FOXP1: variants seen among roughly 807,000 people sequenced by gnomAD.
FOXP1 encodes forkhead box P1, also known as forkhead box protein P1.
A neutral mutation model predicts 98.2 loss-of-function variants in FOXP1; 15 were observed. That is an observed-to-expected ratio of 0.15 (90% CI 0.10 to 0.24). The LOEUF (loss-of-function observed/expected upper bound fraction) is 0.24, where lower values mean the gene tolerates loss of function less well. Among genes scored for constraint, FOXP1 ranks in the 10% least tolerant of loss-of-function variants. The pLI, the probability that FOXP1 is intolerant of heterozygous loss-of-function variation, is 1.00. For synonymous variants in FOXP1, 371 were observed against 314.5 expected (o/e 1.18, Z -1.90); for missense variants, 633 against 848.5 (o/e 0.75, Z 3.15).
intron 10 of FOXP1, among the ~76,000 whole-genome samples, chr3:71,044,962 TA>T (rs927150769): frequency 2.0e-5 from 3 of 151,732 alleles, no homozygotes; most frequent in South Asian, 4.2e-4. Context: ...ATCTCTCTGA[TA>T]AAAAAAAATT....
chr3:71,561,998 T>C (rs1354483744), intron 2 of FOXP1, among the ~76,000 whole-genome samples: 1 of 152,146 alleles, frequency 6.6e-6, no homozygotes, highest in Non-Finnish European at 1.5e-5. Context: ...AGTACTTCCA[T>C]ATGTCTCCAT....
intron 3 of FOXP1, among the ~76,000 whole-genome samples, chr3:71,370,156 ATCT>A (rs1414927117): frequency 6.6e-6 from 1 of 152,170 alleles, no homozygotes; most frequent in East Asian, 1.9e-4. Context: ...AAAATAATCA[ATCT>A]TCTGCCTTCT....
chr3:71,408,369 A>G (rs1459708641), intron 3 of FOXP1, among the ~76,000 whole-genome samples: 1 of 152,194 alleles, frequency 6.6e-6, no homozygotes, highest in Non-Finnish European at 1.5e-5. Flanking sequence ...TTGAAAAATA[A>G]TTTTAAAGAA....
chr3:71,292,965 T>C (rs577407069), intron 5 of FOXP1, among the ~76,000 whole-genome samples: 1 of 152,360 alleles, frequency 6.6e-6, no homozygotes, highest in Non-Finnish European at 1.5e-5. Context: ...GCTTAGTAAC[T>C]GTCACTACAG....
At chr3:71,245,581 T>C (rs1340865036) in intron 5 of FOXP1, among the ~76,000 whole-genome samples, 1 of 142,396 alleles carries the variant, frequency 7.0e-6, no homozygotes, top group East Asian at 2.4e-4. Context: ...TCCCCATCTT[T>C]CTCTGAAGGT....
intron 7 of FOXP1, among the ~76,000 whole-genome samples, chr3:71,070,128 G>C (rs1222218246): frequency 1.3e-5 from 2 of 152,148 alleles, no homozygotes; most frequent in Non-Finnish European, 2.9e-5. Flanking sequence ...GACAGAGAAA[G>C]GACATGTAAT....
chr3:71,149,447 A>T (rs1406491598), intron 6 of FOXP1, among the ~76,000 whole-genome samples: 2 of 152,242 alleles, frequency 1.3e-5, no homozygotes, highest in African/African-American at 2.4e-5. Context: ...TGTGCTAACT[A>T]GCTTGGCTGC....
chr3:70,956,245 G>A lies in FOXP1; in HGVS notation c.*3002C>T, dbSNP rs566673921. On this transcript the variant is annotated 3_prime_UTR_variant, in exon 21 of 21. Coordinates refer to ENST00000649528, the MANE Select transcript of FOXP1 (RefSeq NM_001349338.3). The stretch of plus-strand genomic sequence containing the variant: ...AGACACATCGGGATATATGTACAAC[G>A]TAATAAACCCCATCCTAAAGAAGCA... The A allele has an allele frequency of 2.6e-5, 6 of 233,238 alleles. No homozygotes were observed. The highest frequency in any genetic ancestry group is 1.8e-4 in the South Asian group (1 of 5,512). The allele number at this position is 233,238 out of a possible 1,614,324, so 14.4% of individuals were successfully genotyped here.
At chr3:71,041,206 A>C in intron 11 of FOXP1, 122 bp downstream of exon 11, 1 of 799,342 alleles carries the variant, frequency 1.3e-6, no homozygotes, top group Non-Finnish European at 2.2e-6. Flanking sequence ...TTCCTCAGTA[A>C]TTATATGCAC....
intron 2 of FOXP1, among the ~76,000 whole-genome samples, chr3:71,518,573 T>A (rs1008549277): frequency 2.0e-5 from 3 of 152,186 alleles, no homozygotes; most frequent in Admixed American, 2.0e-4. Flanking sequence ...GACAGGTCCA[T>A]ACAATTTTAC....
chr3:71,510,378 G>A (rs1013821666), intron 2 of FOXP1, among the ~76,000 whole-genome samples: 5 of 152,040 alleles, frequency 3.3e-5, no homozygotes, highest in Admixed American at 3.3e-4. Flanking sequence ...TTGGGAGGCT[G>A]AGGCAGGAGA....
chr3:71,181,983 C>T (rs1230937554), intron 6 of FOXP1, among the ~76,000 whole-genome samples: 7 of 146,886 alleles, frequency 4.8e-5, no homozygotes, highest in Admixed American at 1.4e-4. Flanking sequence ...TGCAGTGAGC[C>T]GAGATCGCGC....
chr3:71,275,860 T>C (rs2070828752), intron 5 of FOXP1, among the ~76,000 whole-genome samples: 1 of 152,236 alleles, frequency 6.6e-6, no homozygotes, highest in African/African-American at 2.4e-5. Flanking sequence ...TGTTTTGTTT[T>C]GTTGTGTTTC....
intron 11 of FOXP1, among the ~76,000 whole-genome samples, chr3:71,031,018 G>A (rs1039609164): frequency 6.6e-6 from 1 of 152,080 alleles, no homozygotes; most frequent in South Asian, 2.1e-4. Context: ...TCATGATTTC[G>A]GTGGAGTGTT....
intron 6 of FOXP1, among the ~76,000 whole-genome samples, chr3:71,145,231 TA>T (rs200157383): frequency 9.1e-4 from 138 of 151,564 alleles, no homozygotes; most frequent in African/African-American, 1.7e-3. Context: ...TTTATTTATT[TA>T]TTTTTTTTAA....
chr3:71,483,130 C>T (rs1370252859), intron 3 of FOXP1, among the ~76,000 whole-genome samples: 1 of 152,100 alleles, frequency 6.6e-6, no homozygotes, highest in Non-Finnish European at 1.5e-5. Context: ...TGAGCCACCA[C>T]GCCCAGCCTT....
At chr3:71,265,749 A>G (rs2107233696) in intron 5 of FOXP1, among the ~76,000 whole-genome samples, 1 of 152,324 alleles carries the variant, frequency 6.6e-6, no homozygotes, top group Admixed American at 6.5e-5. Flanking sequence ...GACGCGCTGG[A>G]CCGACTCCAA....
chr3:71,271,585 A>T (rs1383034255), intron 5 of FOXP1, among the ~76,000 whole-genome samples: 1 of 152,240 alleles, frequency 6.6e-6, no homozygotes, highest in African/African-American at 2.4e-5. Flanking sequence ...ACACATCAAG[A>T]GAACTTAATT....
rs1339212014 is a variant in FOXP1, at chr3:71,517,545, T to A, written c.-297-23990A>T. Among the ~76,000 whole-genome samples, 4 of 152,224 alleles carry A rather than the reference T, an allele frequency of 2.6e-5. No individual in the cohort carries two copies. The East Asian group carries it at 7.7e-4, about 29-fold the overall frequency. On this transcript the variant is annotated intron_variant, in intron 2 of 20. Transcript: ENST00000649528. ...ACTACCAACACAGCAACTTGACCAA[T>A]CAACTCGAGATTTTTCATCCAATCC...
Sources: allele counts gnomAD v4.1 joint callset (sites outside exome capture counted in the v4.1 genomes callset), GRCh38; gene constraint gnomAD v4.1.1; transcripts MANE v1.5; gene names NCBI Gene and HGNC (gene_info 2026-07-23, HGNC 2026-07-21).